Variants in GIPC2 observed in about 807,000 individuals in gnomAD.
GIPC2 encodes GIPC PDZ domain containing family member 2.
A neutral mutation model predicts 30.6 loss-of-function variants in GIPC2; 30 were observed. The ratio of observed to expected loss-of-function variants is 0.98; its 90% CI spans 0.73 to 1.33. GIPC2 has a LOEUF of 1.33. Ranked by LOEUF, GIPC2 falls within the 40% of genes most tolerant of loss-of-function variation. GIPC2 has a pLI of 0.00. For missense variants in GIPC2, 414 were observed against 390.3 expected (o/e 1.06, Z -0.51); for synonymous variants, 167 against 150.0 (o/e 1.11, Z -0.83).
intron 3 of GIPC2, chr1:78,112,534 C>T (rs1471156557): frequency 3.9e-6 from 2 of 518,880 alleles, no homozygotes; most frequent in Non-Finnish European, 7.7e-6. Context: ...CTCCATACTC[C>T]AGGCCAACCA....
intron 1 of GIPC2, among the ~76,000 whole-genome samples, chr1:78,055,240 TC>T (rs1387726802): frequency 3.3e-5 from 5 of 152,084 alleles, no homozygotes; most frequent in African/African-American, 1.2e-4. Context: ...CTAATCCTAT[TC>T]CTGAAGGCTT....
At chr1:78,045,528 G>A (rs1661051385), upstream of GIPC2, 3 of 984,136 alleles carry the variant, frequency 3.0e-6, no homozygotes, top group South Asian at 1.4e-4. Context: ...CAAGGACCCG[G>A]CTGAGGGGGT....
At chr1:78,087,349 A>G (rs551558537) in intron 2 of GIPC2, among the ~76,000 whole-genome samples, 2 of 152,324 alleles carry the variant, frequency 1.3e-5, no homozygotes, top group East Asian at 3.9e-4. Context: ...TTCAAACTGT[A>G]CTACAGGGCT....
Position 78,115,437 on chromosome 1 carries a change from T to G in GIPC2, c.608-3956T>G, listed in dbSNP as rs1052658846. ...AGTAGGGTCGGGGAAGGAGGTTGCA[T>G]GTCTTAAGGTTACTACCATTAAGAC... On this transcript the variant is annotated intron_variant, in intron 3 of 5. Coordinates refer to ENST00000370759, the MANE Select transcript of GIPC2 (RefSeq NM_017655.6). Among the ~76,000 whole-genome samples the G allele has an allele frequency of 2.0e-5, 3 of 152,338 alleles. No homozygotes were observed. The South Asian group carries it at 6.2e-4, about 32-fold the overall frequency.
chr1:78,046,245 G>A lies in GIPC2; in HGVS notation c.151G>A (p.Gly51Ser). The A allele has an allele frequency of 6.2e-7, 1 of 1,609,458 alleles. No individual in the cohort carries two copies. Among genetic ancestry groups the A allele is most frequent in the South Asian group, 1.1e-5 (1 of 90,452 alleles). Residue 51 changes from glycine (G) to serine (S), a missense_variant, in exon 1 of 6, where the codon GGT (glycine) becomes AGT (serine). Transcript: ENST00000370759. ...GGTCTTCCACGCGCAGCTGGCGCAC[G>A]GTAGTGCCACGGGCCGAGTGGAGGG... ...RLVFHAQLAH[G>S]SATGRVEGFS...
chr1:78,084,738 G>A (rs1661895307), intron 2 of GIPC2, among the ~76,000 whole-genome samples: 1 of 152,060 alleles, frequency 6.6e-6, no homozygotes, highest in Admixed American at 6.6e-5. Flanking sequence ...TGCTTGGTTT[G>A]GCTGTTGGTG....
chr1:78,096,721 C>T (rs1289312778), intron 3 of GIPC2, among the ~76,000 whole-genome samples: 3 of 152,136 alleles, frequency 2.0e-5, no homozygotes, highest in African/African-American at 7.2e-5. Context: ...ACTATTGAAC[C>T]GGCTGTTGCC....
intron 1 of GIPC2, among the ~76,000 whole-genome samples, chr1:78,065,397 C>A (rs1661485880): frequency 6.6e-6 from 1 of 151,634 alleles, no homozygotes. Flanking sequence ...TGGAACACTG[C>A]CCAAAGAAAT....
At chr1:78,110,540 C>T (rs542304530) in intron 3 of GIPC2, among the ~76,000 whole-genome samples, 1 of 152,342 alleles carries the variant, frequency 6.6e-6, no homozygotes, top group South Asian at 2.1e-4. Context: ...GTGACATGCA[C>T]ACTAAACCTC....
chr1:78,102,420 A>G (rs924489243), intron 3 of GIPC2, among the ~76,000 whole-genome samples: 1 of 152,258 alleles, frequency 6.6e-6, no homozygotes, highest in Non-Finnish European at 1.5e-5. Context: ...TAGACATTTC[A>G]AACATTTAAA....
rs553629221 is a variant in GIPC2, at chr1:78,101,232, T to C, written c.607+6100T>C. On this transcript the variant is annotated intron_variant, in intron 3 of 5. Transcript: ENST00000370759. ...GTAGCCTTTATCCAAGTACTCAAGATCAAGTCACTTGTCCCACGAGCAGAT... is the reference window on the plus strand; with the variant it reads ...GTAGCCTTTATCCAAGTACTCAAGACCAAGTCACTTGTCCCACGAGCAGAT... 2.2e-4 allele frequency among the ~76,000 whole-genome samples: 33 copies of C among 152,196 alleles called. No individual in the cohort carries two copies. The Middle Eastern group carries it at 0.014, about 63-fold the overall frequency.
chr1:78,112,753 TTTTCCA>T (rs1345311522), intron 3 of GIPC2, among the ~76,000 whole-genome samples: 2 of 152,226 alleles, frequency 1.3e-5, no homozygotes, highest in African/African-American at 4.8e-5. Flanking sequence ...CCTTTCTGCC[TTTTCCA>T]TTTCCCTTTC....
At chr1:78,123,491 AG>A (rs1482800637) in intron 4 of GIPC2, among the ~76,000 whole-genome samples, 2 of 151,988 alleles carry the variant, frequency 1.3e-5, no homozygotes, top group African/African-American at 4.8e-5. Flanking sequence ...GTGGATAATG[AG>A]GGAGCCATTT....
intron 3 of GIPC2, among the ~76,000 whole-genome samples, chr1:78,100,981 C>T (rs1336119793): frequency 2.1e-5 from 3 of 144,198 alleles, no homozygotes; most frequent in East Asian, 2.1e-4. Context: ...CACACACACA[C>T]ATACACACGA....
intron 2 of GIPC2, among the ~76,000 whole-genome samples, chr1:78,083,577 C>A (rs1016345779): frequency 3.3e-5 from 5 of 152,082 alleles, no homozygotes; most frequent in Non-Finnish European, 5.9e-5. Flanking sequence ...ATGAGTCTTA[C>A]CTGAATTAAT....
rs978597112 is a variant in GIPC2 at position 78,080,575 on chromosome 1, T to C, written c.241-100T>C. On this transcript the variant is annotated intron_variant, in intron 1 of 5. Transcript: ENST00000370759. Reference sequence around the variant, plus strand: ...TTTTATGATGTAACTCTTTACATCATAAATTGAGGAGTATTTCAGTCAATA... The same window carrying C: ...TTTTATGATGTAACTCTTTACATCACAAATTGAGGAGTATTTCAGTCAATA... 131 of 672,356 alleles carry C rather than the reference T, an allele frequency of 1.9e-4. 2 individuals are homozygous for C. The highest frequency in any genetic ancestry group is 1.8e-3 in the South Asian group (77 of 43,512). 41.6% of individuals were successfully genotyped at this position (672,356 alleles called of 1,614,324 possible). A position where few individuals can be genotyped will look rare whatever the true frequency, so the allele number is the denominator to read the frequency against.
At position 78,046,007 on chromosome 1, in the gene GIPC2, G is replaced by T; in HGVS notation, c.-88G>T. On this transcript the variant is annotated 5_prime_UTR_variant, in exon 1 of 6. Coordinates refer to ENST00000370759, the MANE Select transcript of GIPC2 (RefSeq NM_017655.6). The stretch of plus-strand genomic sequence containing the variant: ...GCCATTGGAGGCTGCTTTTACCTGC[G>T]CGGGGCCCGGGGCGCAAAGTCCGAG... 7.2e-7 allele frequency: 1 copy of T among 1,393,796 alleles called. No individual in the cohort carries two copies. Among genetic ancestry groups the T allele is most frequent in the Non-Finnish European group, 9.3e-7 (1 of 1,076,874 alleles). The allele number at this position is 1,393,796 out of a possible 1,614,324, so 86.3% of individuals were successfully genotyped here.
At chr1:78,108,246 T>C (rs973294226) in intron 3 of GIPC2, among the ~76,000 whole-genome samples, 1 of 152,224 alleles carries the variant, frequency 6.6e-6, no homozygotes, top group African/African-American at 2.4e-5. Flanking sequence ...TTTGTAATCT[T>C]TTTTTGTAAC....
rs563766282 is a variant in GIPC2, at chr1:78,137,388, C to T, written c.*1645C>T. The T allele has an allele frequency of 7.9e-5, 12 of 152,168 alleles. No homozygotes were observed. The highest frequency in any genetic ancestry group is 1.5e-4 in the Non-Finnish European group (10 of 67,976). 9.4% of individuals were successfully genotyped at this position (152,168 alleles called of 1,614,324 possible). ...CTTAGGAGGCCCATAGAAACATTCT[C>T]GTTTAAACAACAACAACAAAATAAA... On this transcript the variant is annotated 3_prime_UTR_variant, in exon 6 of 6. Coordinates refer to ENST00000370759, the MANE Select transcript of GIPC2 (RefSeq NM_017655.6).
Sources: allele counts gnomAD v4.1 joint callset (sites outside exome capture counted in the v4.1 genomes callset), GRCh38; gene constraint gnomAD v4.1.1; transcripts MANE v1.5; gene names NCBI Gene and HGNC (gene_info 2026-07-23, HGNC 2026-07-21).